The following ZBTB20 variants were observed in gnomAD, a reference collection of about 807,000 sequenced individuals.
The protein encoded by ZBTB20 is zinc finger and BTB domain containing 20.
Under a neutral mutation model 56.9 loss-of-function variants are expected in ZBTB20, and 9 were observed. That is an observed-to-expected ratio of 0.16 (90% confidence interval 0.10 to 0.28). The LOEUF (loss-of-function observed/expected upper bound fraction) is 0.28. Ranked by LOEUF, ZBTB20 falls within the 10% of genes least tolerant of loss-of-function variation. The probability of loss-of-function intolerance (pLI) is 1.00; values close to 1 mark genes in which losing one functional copy is unlikely to be tolerated. For missense variants in ZBTB20, 655 were observed against 1,003.0 expected, an observed-to-expected ratio of 0.65 and a Z score of 4.69; for synonymous variants, 417 against 420.7, an observed-to-expected ratio of 0.99 and a Z score of 0.11.
chr3:114,820,304 T>A (rs1327713617), intron 4 of ZBTB20, among the ~76,000 whole-genome samples: 1 of 152,022 alleles, frequency 6.6e-6, no homozygotes, highest in Non-Finnish European at 1.5e-5. Context: ...ATTTTATGAC[T>A]CAGAATTAAT....
intron 5 of ZBTB20, among the ~76,000 whole-genome samples, chr3:114,751,808 C>T (rs1466145247): frequency 2.0e-5 from 3 of 152,118 alleles, no homozygotes; most frequent in Non-Finnish European, 2.9e-5. Flanking sequence ...CATTTATCTA[C>T]TGAGCTAAAT....
chr3:114,427,556 A>T (rs1355391153), intron 7 of ZBTB20, among the ~76,000 whole-genome samples: 4 of 152,232 alleles, frequency 2.6e-5, no homozygotes, highest in Non-Finnish European at 2.9e-5. Flanking sequence ...TGCAATGCAG[A>T]CCGAAGAGGA....
intron 2 of ZBTB20, among the ~76,000 whole-genome samples, chr3:115,054,350 T>C (rs2081670915): frequency 1.3e-5 from 2 of 152,170 alleles, no homozygotes; most frequent in South Asian, 4.1e-4. Context: ...TTAAACTTTT[T>C]TAATTTAAGC....
chr3:114,571,089 A>G (rs2053381669), intron 6 of ZBTB20, among the ~76,000 whole-genome samples: 2 of 152,204 alleles, frequency 1.3e-5, no homozygotes, highest in African/African-American at 2.4e-5. Context: ...TTAAAAAAAG[A>G]AAGAAAATAT....
At chr3:114,355,889 C>T (rs138166752) in intron 10 of ZBTB20, among the ~76,000 whole-genome samples, 2,188 of 151,772 alleles carry the variant, frequency 0.014, 40 homozygotes, top group Non-Finnish European at 0.016. Context: ...TGTACAAAAC[C>T]ACAAAACTTT....
At chr3:115,068,215 T>C (rs1173336017) in intron 2 of ZBTB20, among the ~76,000 whole-genome samples, 1 of 151,942 alleles carries the variant, frequency 6.6e-6, no homozygotes, top group African/African-American at 2.4e-5. Context: ...AAATAGTATG[T>C]ATTGTATAGT....
intron 2 of ZBTB20, among the ~76,000 whole-genome samples, chr3:115,028,833 T>C (rs1465029716): frequency 6.6e-6 from 1 of 150,798 alleles, no homozygotes; most frequent in African/African-American, 2.4e-5. Context: ...TTTAATGTAA[T>C]GAAGAATATC....
intron 2 of ZBTB20, among the ~76,000 whole-genome samples, chr3:115,062,913 T>G (rs2082063230): frequency 6.6e-6 from 1 of 152,238 alleles, no homozygotes; most frequent in Non-Finnish European, 1.5e-5. Context: ...ATTCTTTCTT[T>G]AACAAAGCAA....
chr3:114,982,849 T>C (rs1029449920), intron 2 of ZBTB20, among the ~76,000 whole-genome samples: 6 of 152,028 alleles, frequency 3.9e-5, no homozygotes, highest in Non-Finnish European at 8.8e-5. Flanking sequence ...ACCTATAGAC[T>C]TTTATGAAGA....
At chr3:114,862,912 A>G (rs1050113617) in intron 4 of ZBTB20, among the ~76,000 whole-genome samples, 9 of 152,194 alleles carry the variant, frequency 5.9e-5, no homozygotes, top group African/African-American at 1.9e-4. Context: ...TCATTTATTC[A>G]ACAATTATTT....
chr3:114,898,796 G>A (rs1030601068), intron 4 of ZBTB20, among the ~76,000 whole-genome samples: 1 of 152,054 alleles, frequency 6.6e-6, no homozygotes, highest in Non-Finnish European at 1.5e-5. Flanking sequence ...CCAACTCTAA[G>A]ACCAGATTTA....
chr3:114,498,191 G>C (rs1162121390), intron 7 of ZBTB20, among the ~76,000 whole-genome samples: 1 of 152,180 alleles, frequency 6.6e-6, no homozygotes, highest in Non-Finnish European at 1.5e-5. Flanking sequence ...CCTGCTTCAA[G>C]GTAGCATGGC....
rs769210420 is a variant in ZBTB20, at chr3:114,351,460, G to A, written c.618C>T (p.Asp206=). 11 of 1,613,750 alleles carry A rather than the reference G, an allele frequency of 6.8e-6. No individual in the cohort carries two copies. Among genetic ancestry groups the A allele is most frequent in the Non-Finnish European group, 9.3e-6 (11 of 1,180,030 alleles). ...TGCCCCGCGGCGTGTCCTGGCCCGA[G>A]TCCTGGATCCCCGGGAACACATCGC... The part of the protein sequence containing the change: ...NVGDVFPGIQ[D]SGQDTPRGTP... Residue 206 remains aspartate, a synonymous_variant, in exon 11 of 12, where the codon GAC becomes GAT. Coordinates refer to ENST00000675478, the MANE Select transcript of ZBTB20 (RefSeq NM_001348800.3).
rs146098592 is a variant in ZBTB20 at position 114,420,944 on chromosome 3, G to A, written c.-254-31839C>T. ...GACAAATCTAGAGAACCAGTTTTAT[G>A]AAAGAAAGTAGCCTAGCACAAATTA... On this transcript the variant is annotated intron_variant, in intron 7 of 11. Coordinates refer to ENST00000675478, the MANE Select transcript of ZBTB20 (RefSeq NM_001348800.3). 3.6e-3 allele frequency among the ~76,000 whole-genome samples: 546 copies of A among 152,190 alleles called. 3 individuals are homozygous for A. Among genetic ancestry groups the A allele is most frequent in the African/African-American group, 0.012 (514 of 41,530 alleles).
In ZBTB20 at chr3:114,817,362, T is replaced by C. The variant is rs373494511; in HGVS notation, c.-416-16188A>G. On this transcript the variant is annotated intron_variant, in intron 4 of 11. Transcript: ENST00000675478. Reference sequence around the variant, plus strand: ...GGAGAAACCCCGTCTCTACTAAAAATACAAAATTAGCCAGGCATGGTGGCA... The same window carrying C: ...GGAGAAACCCCGTCTCTACTAAAAACACAAAATTAGCCAGGCATGGTGGCA... Among the ~76,000 whole-genome samples, 9 of 151,634 alleles carry C rather than the reference T, an allele frequency of 5.9e-5. No homozygotes were observed. In the East Asian group the frequency reaches 1.7e-3, roughly 29 times the overall value.
chr3:114,351,225 G>C lies in ZBTB20; in HGVS notation c.853C>G (p.Pro285Ala), dbSNP rs1410417400. The C allele has an allele frequency of 1.2e-6, 2 of 1,601,624 alleles. No homozygotes were observed. Among genetic ancestry groups the C allele is most frequent in the African/African-American group, 2.7e-5 (2 of 74,716 alleles). Residue 285 changes from proline to alanine, a missense_variant, in exon 11 of 12, where the codon CCC (proline) becomes GCC (alanine). Coordinates refer to ENST00000675478, the MANE Select transcript of ZBTB20 (RefSeq NM_001348800.3). ...GLPRDHHMEDPSWITRIHERS... is the reference protein window; with the variant it reads ...GLPRDHHMEDASWITRIHERS... ...TCATGGATGCGTGTGATCCAGCTGG[G>C]GTCTTCCATGTGGTGGTCGCGGGGC...
intron 5 of ZBTB20, among the ~76,000 whole-genome samples, chr3:114,716,257 ATTTCCC>A (rs1368650789): frequency 6.6e-6 from 1 of 152,134 alleles, no homozygotes; most frequent in African/African-American, 2.4e-5. Context: ...AATGATGCCC[ATTTCCC>A]TAATGGCAGC....
At chr3:114,991,930 T>C (rs1182918016) in intron 2 of ZBTB20, among the ~76,000 whole-genome samples, 1 of 152,134 alleles carries the variant, frequency 6.6e-6, no homozygotes, top group Non-Finnish European at 1.5e-5. Flanking sequence ...TTGCAACCAC[T>C]GCCTTTTTTT....
chr3:114,584,187 C>T (rs1221317224), intron 6 of ZBTB20, among the ~76,000 whole-genome samples: 2 of 152,094 alleles, frequency 1.3e-5, no homozygotes, highest in African/African-American at 4.8e-5. Flanking sequence ...AAGACATACA[C>T]ACACTGATAG....
Sources: gnomAD v4.1 joint callset for allele counts (sites outside exome capture counted in the v4.1 genomes callset) on GRCh38, gnomAD v4.1.1 for gene constraint, MANE v1.5 for transcripts, NCBI Gene and HGNC (gene_info 2026-07-23, HGNC 2026-07-21) for gene names.